Variants in AVL9 observed in about 807,000 individuals in gnomAD.
AVL9 encodes the protein late secretory pathway protein AVL9 homolog.
In AVL9, 49 loss-of-function variants were observed where a neutral mutation model predicts 79.2. The observed-to-expected ratio is 0.62, with a 90% confidence interval of 0.49 to 0.79. The LOEUF is 0.79. Ranked by LOEUF, AVL9 falls within the 30% of genes least tolerant of loss-of-function variation. The probability of loss-of-function intolerance (pLI) is 0.00; values close to 1 mark genes in which losing one functional copy is unlikely to be tolerated. For synonymous variants in AVL9, 299 were observed against 280.6 expected (o/e 1.07, Z -0.65); for missense variants, 682 against 776.8 (o/e 0.88, Z 1.45).
intron 1 of AVL9, among the ~76,000 whole-genome samples, chr7:32,498,606 TC>T (rs1786971942): frequency 3.3e-5 from 5 of 151,094 alleles, no homozygotes; most frequent in African/African-American, 1.2e-4. Flanking sequence ...TATCACTTGA[TC>T]TTTTTTTTTT....
chr7:32,571,873 A>AAAGTAT (rs1790860686), intron 11 of AVL9, among the ~76,000 whole-genome samples: 1 of 152,106 alleles, frequency 6.6e-6, no homozygotes, highest in Admixed American at 6.6e-5. Flanking sequence ...AAGACATTCT[A>AAAGTAT]AAGTATCTGG....
chr7:32,548,849 A>T lies in AVL9; in HGVS notation c.303A>T (p.Ala101=), dbSNP rs746631810. 2 of 1,565,128 alleles carry T rather than the reference A, an allele frequency of 1.3e-6. No individual in the cohort carries two copies. Among genetic ancestry groups the T allele is most frequent in the South Asian group, 2.5e-5 (2 of 79,860 alleles). ...AAATTGCTCTTTGTTCATAATAGGCACTGAAAGTAAGGCAAGCAGATATCA... is the reference window on the plus strand; with the variant it reads ...AAATTGCTCTTTGTTCATAATAGGCTCTGAAAGTAAGGCAAGCAGATATCA... The part of the protein sequence containing the change: ...ISCYRQIEAK[A]LKVRQADITR... The change falls in exon 4 of 16, where the codon GCA becomes GCT. Residue 101 remains alanine, a splice_region_variant and synonymous_variant. Coordinates refer to ENST00000318709, the MANE Select transcript of AVL9 (RefSeq NM_015060.3).
intron 6 of AVL9, 100 bp downstream of exon 6, chr7:32,552,395 TGG>T: frequency 3.0e-6 from 2 of 670,400 alleles, no homozygotes; most frequent in South Asian, 1.8e-5. Flanking sequence ...CATCTCTATA[TGG>T]GATCTAAATT....
At chr7:32,526,455 G>A (rs1391053160) in intron 1 of AVL9, among the ~76,000 whole-genome samples, 1 of 152,158 alleles carries the variant, frequency 6.6e-6, no homozygotes, top group Non-Finnish European at 1.5e-5. Context: ...AAGTGGCGAA[G>A]GGTAAGGACC....
At chr7:32,574,414 C>T (rs1790992032) in intron 12 of AVL9, among the ~76,000 whole-genome samples, 1 of 152,048 alleles carries the variant, frequency 6.6e-6, no homozygotes, top group Non-Finnish European at 1.5e-5. Flanking sequence ...GCTGAGACAC[C>T]AAAATTAAAT....
intron 10 of AVL9, among the ~76,000 whole-genome samples, chr7:32,562,032 C>T (rs746660216): frequency 2.1e-4 from 32 of 152,064 alleles, no homozygotes; most frequent in Non-Finnish European, 3.1e-4. Flanking sequence ...AAAACAATTA[C>T]AATAGTAACA....
chr7:32,502,415 A>G (rs1787181285), intron 1 of AVL9, among the ~76,000 whole-genome samples: 3 of 137,716 alleles, frequency 2.2e-5, no homozygotes, highest in Non-Finnish European at 4.9e-5. Context: ...AAAAAGAAAG[A>G]AAAGGTATCA....
chr7:32,554,513 C>G (rs371042323), intron 7 of AVL9, 45 bp from the exon 8 acceptor site: 6 of 1,221,714 alleles, frequency 4.9e-6, no homozygotes, highest in Non-Finnish European at 7.0e-6. Flanking sequence ...GAATTATAGG[C>G]GTGAGTCTCT....
intron 1 of AVL9, chr7:32,534,508 A>G (rs1363385081): frequency 6.6e-6 from 1 of 151,984 alleles, no homozygotes; most frequent in Admixed American, 6.6e-5. Flanking sequence ...GGTGGCTTCA[A>G]CTTCAGACTT....
rs1786766814 is a variant in AVL9 at position 32,495,739 on chromosome 7, C to T, written c.30C>T (p.Gly10=). The T allele has an allele frequency of 7.1e-6, 9 of 1,259,654 alleles. No homozygotes were observed. The highest frequency in any genetic ancestry group is 9.1e-6 in the Non-Finnish European group (9 of 992,752). The allele number at this position is 1,259,654 out of a possible 1,614,324, so 78.0% of individuals were successfully genotyped here. MEKARRGGD[G]VPRGPVLHIV... ...AGAAGGCCAGGAGAGGCGGGGATGG[C>T]GTCCCCCGGGGGCCCGTACTGCACA... The change falls in exon 1 of 16, where the codon GGC becomes GGT. Residue 10 remains glycine (G), a synonymous_variant. Transcript: ENST00000318709.
chr7:32,583,786 A>G lies in AVL9; in HGVS notation c.1832-6A>G, dbSNP rs772985751. 1 of 1,606,324 alleles carries G rather than the reference A, an allele frequency of 6.2e-7. No individual in the cohort carries two copies. The highest frequency in any genetic ancestry group is 8.5e-7 in the Non-Finnish European group (1 of 1,173,468). On this transcript the variant is annotated splice_region_variant and splice_polypyrimidine_tract_variant and intron_variant, in intron 15 of 15. Coordinates refer to ENST00000318709, the MANE Select transcript of AVL9 (RefSeq NM_015060.3). ...TTTTCCTTTTGTTTTTCTCCTCTCC[A>G]TCCAGGCCAGTCAGTTGGAGGAGCT...
chr7:32,504,159 T>A (rs1391447079), intron 1 of AVL9, among the ~76,000 whole-genome samples: 1 of 152,238 alleles, frequency 6.6e-6, no homozygotes, highest in Non-Finnish European at 1.5e-5. Context: ...CATGAATTGA[T>A]GTATAAAAGA....
intron 1 of AVL9, among the ~76,000 whole-genome samples, chr7:32,503,406 A>ACACACAC (rs1424274246): frequency 7.5e-5 from 11 of 145,834 alleles, no homozygotes; most frequent in East Asian, 4.1e-4. Flanking sequence ...ACACACACAC[A>ACACACAC]AATTAGCCGG....
At chr7:32,504,589 C>T (rs753207289) in intron 1 of AVL9, among the ~76,000 whole-genome samples, 1 of 152,158 alleles carries the variant, frequency 6.6e-6, no homozygotes, top group Non-Finnish European at 1.5e-5. Flanking sequence ...TCAGTTTCTT[C>T]ATCTATAAAA....
intron 1 of AVL9, among the ~76,000 whole-genome samples, chr7:32,497,411 C>A (rs1488467626): frequency 3.3e-5 from 5 of 152,184 alleles, no homozygotes; most frequent in African/African-American, 1.2e-4. Context: ...AGAATCTGTT[C>A]TTTATAACCT....
chr7:32,569,945 G>A, intron 10 of AVL9, 75 bp from the exon 11 acceptor site: 1 of 1,467,770 alleles, frequency 6.8e-7, no homozygotes. Flanking sequence ...TTTTCCTACT[G>A]TTAGCTCACT....
intron 12 of AVL9, among the ~76,000 whole-genome samples, chr7:32,573,951 A>G (rs1346093002): frequency 6.6e-6 from 1 of 152,230 alleles, no homozygotes; most frequent in Admixed American, 6.5e-5. Flanking sequence ...GCAGGTAAAC[A>G]TGGAGTTACT....
At chr7:32,496,009 C>T in intron 1 of AVL9, among the ~76,000 whole-genome samples, 1 of 152,190 alleles carries the variant, frequency 6.6e-6, no homozygotes. Context: ...CCTTCTGCCC[C>T]TGAAAAATGG....
At chr7:32,500,788 G>A (rs1440974826) in intron 1 of AVL9, among the ~76,000 whole-genome samples, 1 of 152,078 alleles carries the variant, frequency 6.6e-6, no homozygotes, top group Non-Finnish European at 1.5e-5. Flanking sequence ...TTTGTATAAG[G>A]TGTAAGGAAG....
Sources: gnomAD v4.1 joint callset for allele counts (sites outside exome capture counted in the v4.1 genomes callset) on GRCh38, gnomAD v4.1.1 for gene constraint, MANE v1.5 for transcripts, NCBI Gene and HGNC (gene_info 2026-07-23, HGNC 2026-07-21) for gene names.